DLGAP2: variants seen among roughly 807,000 people sequenced by gnomAD.
DLGAP2 encodes DLG associated protein 2.
A neutral mutation model predicts 100.3 loss-of-function variants in DLGAP2; 26 were observed. That is an observed-to-expected ratio of 0.26 (90% CI 0.19 to 0.36). The LOEUF (loss-of-function observed/expected upper bound fraction) is 0.36, where lower values mean the gene tolerates loss of function less well. Ranked by LOEUF, DLGAP2 falls within the 10% of genes least tolerant of loss-of-function variation. DLGAP2 has a pLI of 1.00. For missense variants in DLGAP2, 1,858 were observed against 1,453.2 expected (o/e 1.28, Z -4.53); for synonymous variants, 886 against 630.1 (o/e 1.41, Z -6.08).
chr8:1,097,122 C>T (rs1466257783), intron 2 of DLGAP2, among the ~76,000 whole-genome samples: 1 of 137,496 alleles, frequency 7.3e-6, no homozygotes, highest in African/African-American at 2.9e-5. Flanking sequence ...GAGCCCAGGG[C>T]AGGCCTTCAC....
intron 2 of DLGAP2, among the ~76,000 whole-genome samples, chr8:1,131,504 C>G (rs757171927): frequency 3.9e-5 from 6 of 152,168 alleles, no homozygotes; most frequent in Admixed American, 2.0e-4. Context: ...CTCCACCACC[C>G]ACATAACCTC....
At chr8:1,437,853 T>A (rs1477886387) in intron 3 of DLGAP2, among the ~76,000 whole-genome samples, 1 of 146,680 alleles carries the variant, frequency 6.8e-6, no homozygotes, top group African/African-American at 2.5e-5. Flanking sequence ...GGGCGTGATG[T>A]CATGTGCCTG....
In DLGAP2 at chr8:1,473,572, C is replaced by G. The variant is rs112330316; in HGVS notation, c.107-27794C>G. 1.0e-2 allele frequency among the ~76,000 whole-genome samples: 1,518 copies of G among 152,296 alleles called. 28 individuals carry two copies. The highest frequency in any genetic ancestry group is 0.035 in the African/African-American group (1,435 of 41,562). On this transcript the variant is annotated intron_variant, in intron 3 of 14. Coordinates refer to ENST00000637795, the MANE Select transcript of DLGAP2 (RefSeq NM_001346810.2). ...TGGAGACTGGGGAGGGGTTTAGCTG[C>G]AGCAGGGCTCAAGCGAGCTTTGGGG...
At chr8:1,472,602 C>G (rs960350428) in intron 3 of DLGAP2, among the ~76,000 whole-genome samples, 1 of 152,118 alleles carries the variant, frequency 6.6e-6, no homozygotes, top group Non-Finnish European at 1.5e-5. Context: ...TGGAATAATA[C>G]ATGATGTAAA....
At chr8:1,090,519 A>G (rs1201757742) in intron 2 of DLGAP2, among the ~76,000 whole-genome samples, 1 of 152,260 alleles carries the variant, frequency 6.6e-6, no homozygotes, top group Admixed American at 6.5e-5. Flanking sequence ...TGCCTGAGGC[A>G]GTCCAGAAAT....
intron 1 of DLGAP2, among the ~76,000 whole-genome samples, chr8:903,528 G>A (rs1798306043): frequency 6.6e-6 from 1 of 152,118 alleles, no homozygotes; most frequent in African/African-American, 2.4e-5. Context: ...AGCTGCCAGT[G>A]TCAGATTACT....
intron 2 of DLGAP2, among the ~76,000 whole-genome samples, chr8:984,165 C>G (rs1800421692): frequency 1.3e-5 from 2 of 152,100 alleles, no homozygotes; most frequent in Non-Finnish European, 2.9e-5. Context: ...TGGAAAGAAT[C>G]TTGAATTGAG....
chr8:1,030,559 A>G (rs1801944489), intron 2 of DLGAP2, among the ~76,000 whole-genome samples: 1 of 152,202 alleles, frequency 6.6e-6, no homozygotes, highest in Non-Finnish European at 1.5e-5. Context: ...AACATTTAAC[A>G]TAAAATGGTC....
chr8:1,649,657 G>A lies in DLGAP2; in HGVS notation c.1810+16611G>A, dbSNP rs139441104. 2.8e-3 allele frequency among the ~76,000 whole-genome samples: 422 copies of A among 152,272 alleles called. 1 individual carries two copies. The highest frequency in any genetic ancestry group is 9.8e-3 in the African/African-American group (406 of 41,548). On this transcript the variant is annotated intron_variant, in intron 8 of 14. Coordinates refer to ENST00000637795, the MANE Select transcript of DLGAP2 (RefSeq NM_001346810.2). ...ATATAGTAAGGAAATAGTTATATAG[G>A]AAGGAAATATCTATGAAGGTAGGAA...
intron 2 of DLGAP2, among the ~76,000 whole-genome samples, chr8:1,044,289 G>T (rs561283935): frequency 1.3e-5 from 2 of 152,300 alleles, no homozygotes; most frequent in African/African-American, 4.8e-5. Flanking sequence ...AAAGATGGGG[G>T]TTCATGATTG....
intron 1 of DLGAP2, among the ~76,000 whole-genome samples, chr8:800,559 A>G (rs1796127103): frequency 1.3e-5 from 2 of 152,128 alleles, no homozygotes; most frequent in Non-Finnish European, 2.9e-5. Context: ...ACATGATGAG[A>G]TGCCTGCATT....
chr8:1,495,040 A>G (rs942447693), intron 3 of DLGAP2, among the ~76,000 whole-genome samples: 6 of 152,154 alleles, frequency 3.9e-5, no homozygotes, highest in East Asian at 1.9e-4. Context: ...TTCTTCATCA[A>G]TTCTCCATAA....
At chr8:1,503,470 T>C (rs115640403) in intron 4 of DLGAP2, among the ~76,000 whole-genome samples, 14 of 152,172 alleles carry the variant, frequency 9.2e-5, no homozygotes. Context: ...TGTTGAAGGC[T>C]GAGCCACACT....
chr8:1,561,278 T>C (rs903961087), intron 5 of DLGAP2, among the ~76,000 whole-genome samples: 1 of 152,008 alleles, frequency 6.6e-6, no homozygotes, highest in Non-Finnish European at 1.5e-5. Flanking sequence ...GGTATGTCTT[T>C]ATTAGCAGTG....
rs139615268 is a variant in DLGAP2, at chr8:1,429,316, T to C, written c.107-72050T>C. On this transcript the variant is annotated intron_variant, in intron 3 of 14. Coordinates refer to ENST00000637795, the MANE Select transcript of DLGAP2 (RefSeq NM_001346810.2). ...TACACGGGAGTTTGGTTTGCTTACA[T>C]AGGAACTAAAAGTGCTGGGGCCATC... Among the ~76,000 whole-genome samples the C allele has an allele frequency of 1.8e-3, 278 of 152,266 alleles. 2 individuals are homozygous for C. The highest frequency in any genetic ancestry group is 6.3e-3 in the African/African-American group (262 of 41,552).
Position 1,185,862 on chromosome 8 carries a change from C to T in DLGAP2, c.74-72989C>T, listed in dbSNP as rs149161713. 2.5e-3 allele frequency among the ~76,000 whole-genome samples: 386 copies of T among 152,290 alleles called. 2 individuals are homozygous for T. The highest frequency in any genetic ancestry group is 8.9e-3 in the African/African-American group (368 of 41,562). On this transcript the variant is annotated intron_variant, in intron 2 of 14. Coordinates refer to ENST00000637795, the MANE Select transcript of DLGAP2 (RefSeq NM_001346810.2). ...ATTCAGGAGATCCAATCAGCAGTGACGCCCAACTTGCCCCACAGAGAACAC... is the reference window on the plus strand; with the variant it reads ...ATTCAGGAGATCCAATCAGCAGTGATGCCCAACTTGCCCCACAGAGAACAC...
At chr8:1,515,382 A>G (rs966504459) in intron 4 of DLGAP2, among the ~76,000 whole-genome samples, 1 of 152,248 alleles carries the variant, frequency 6.6e-6, no homozygotes, top group Non-Finnish European at 1.5e-5. Context: ...ACACATGCAC[A>G]TACATGAACA....
chr8:1,515,088 G>A (rs1050572878), intron 4 of DLGAP2, among the ~76,000 whole-genome samples: 4 of 152,046 alleles, frequency 2.6e-5, no homozygotes, highest in African/African-American at 4.8e-5. Flanking sequence ...TGCAGAAAAC[G>A]CATGTTTGGC....
intron 1 of DLGAP2, chr8:738,520 GT>G (rs995880143): frequency 8.5e-5 from 13 of 152,312 alleles, no homozygotes; most frequent in African/African-American, 2.9e-4. Context: ...CCAGCGCAGG[GT>G]TTTGTAACTA....
Sources: allele counts gnomAD v4.1 joint callset (sites outside exome capture counted in the v4.1 genomes callset), GRCh38; gene constraint gnomAD v4.1.1; transcripts MANE v1.5; gene names NCBI Gene and HGNC (gene_info 2026-07-23, HGNC 2026-07-21).